ARHGAP39: variants seen among roughly 807,000 people sequenced by gnomAD.
ARHGAP39 encodes Rho GTPase activating protein 39.
In ARHGAP39, 44 loss-of-function variants were observed where a neutral mutation model predicts 106.9. The observed-to-expected ratio is 0.41, with a 90% CI of 0.32 to 0.53. The LOEUF (loss-of-function observed/expected upper bound fraction) is 0.53, where lower values mean the gene tolerates loss of function less well. ARHGAP39 is among the 20% of genes least tolerant of loss of function. The probability of loss-of-function intolerance (pLI) is 0.21; values close to 1 mark genes in which losing one functional copy is unlikely to be tolerated. For missense variants in ARHGAP39, 1,496 were observed against 1,577.3 expected, an observed-to-expected ratio of 0.95 and a Z score of 0.87; for synonymous variants, 768 against 693.2, an observed-to-expected ratio of 1.11 and a Z score of -1.69.
intron 1 of ARHGAP39, among the ~76,000 whole-genome samples, chr8:144,656,572 G>A (rs1479464925): frequency 1.3e-5 from 2 of 152,060 alleles, no homozygotes; most frequent in Non-Finnish European, 2.9e-5. Flanking sequence ...GGAGGCTGTG[G>A]TGGGCGGATC....
chr8:144,604,221 C>T lies in ARHGAP39; in HGVS notation c.80+1314G>A, dbSNP rs949314373. On this transcript the variant is annotated intron_variant, in intron 2 of 11. Coordinates refer to ENST00000377307, the MANE Select transcript of ARHGAP39 (RefSeq NM_025251.3). The surrounding 1 kb of genome is among the most constrained non-coding windows in gnomAD (Gnocchi z 4.1). Reference sequence around the variant, plus strand: ...GGCAGCAGCTGCACCTCGGGGGGTGCGGGCGAGGCCTCTGTCGGGGTCAGA... The same window carrying T: ...GGCAGCAGCTGCACCTCGGGGGGTGTGGGCGAGGCCTCTGTCGGGGTCAGA... Among the ~76,000 whole-genome samples, 15 of 152,150 alleles carry T rather than the reference C, an allele frequency of 9.9e-5. No individual in the cohort carries two copies. Among genetic ancestry groups the T allele is most frequent in the South Asian group, 2.1e-4 (1 of 4,834 alleles).
Position 144,547,460 on chromosome 8 carries a change from C to A in ARHGAP39, c.1626G>T (p.Glu542Asp). Residue 542 changes from glutamate to aspartate, a missense_variant, in exon 5 of 12, where the codon GAG becomes GAT. Transcript: ENST00000377307. This position sits in a 1 kb window ranked among gnomAD's most constrained non-coding sequence, Gnocchi z 5.2. ...SLAPVKRAEGEAEGARGAAEP... is the reference protein window; with the variant it reads ...SLAPVKRAEGDAEGARGAAEP... ...CGGCCGCGCCCCGCGCCCCTTCGGC[C>A]TCACCTTCCGCTCGCTTCACGGGGG... 2 of 1,560,016 alleles carry A rather than the reference C, an allele frequency of 1.3e-6. No homozygotes were observed. Among genetic ancestry groups the A allele is most frequent in the East Asian group, 2.3e-5 (1 of 43,166 alleles).
chr8:144,648,579 G>A (rs929291360), intron 1 of ARHGAP39, among the ~76,000 whole-genome samples: 56 of 152,276 alleles, frequency 3.7e-4, no homozygotes, highest in Admixed American at 2.6e-3. Flanking sequence ...TTTTTATTCC[G>A]AAAGGTAGAG....
chr8:144,688,295 G>A (rs933466869), upstream of ARHGAP39, among the ~76,000 whole-genome samples: 1 of 152,086 alleles, frequency 6.6e-6, no homozygotes, highest in African/African-American at 2.4e-5. Flanking sequence ...AGTAGAAATA[G>A]GGTTTCACCG....
chr8:144,673,398 A>C (rs563169339), intron 1 of ARHGAP39, among the ~76,000 whole-genome samples: 9 of 152,308 alleles, frequency 5.9e-5, no homozygotes, highest in African/African-American at 1.9e-4. Context: ...ATTGAGATAG[A>C]ATTCACATTA....
rs117027245 is a variant in ARHGAP39, at chr8:144,570,235, C to G, written c.512+10611G>C. ...AAATTCTGTCTCAAAAACAAACAAA[C>G]AAAGAAACAAACAAACAAAAGCTTA... is the stretch of plus-strand genomic sequence containing the variant. On this transcript the variant is annotated intron_variant, in intron 3 of 11. Coordinates refer to ENST00000377307, the MANE Select transcript of ARHGAP39 (RefSeq NM_025251.3). Among the ~76,000 whole-genome samples the G allele has an allele frequency of 3.0e-3, 463 of 152,162 alleles. 2 individuals are homozygous for G. The highest frequency in any genetic ancestry group is 5.2e-3 in the African/African-American group (216 of 41,506).
chr8:144,594,301 T>G (rs1312230107), intron 2 of ARHGAP39, among the ~76,000 whole-genome samples: 4 of 152,218 alleles, frequency 2.6e-5, no homozygotes, highest in Non-Finnish European at 2.9e-5. Context: ...TAAGTGTTGC[T>G]AAGGATGTGG....
At chr8:144,607,883 G>A (rs1407753067) in intron 1 of ARHGAP39, among the ~76,000 whole-genome samples, 2 of 152,142 alleles carry the variant, frequency 1.3e-5, no homozygotes, top group Non-Finnish European at 2.9e-5. Flanking sequence ...CAGGCCGGGC[G>A]CGGTGGCTCA....
At chr8:144,589,237 A>G (rs1289378151) in intron 2 of ARHGAP39, among the ~76,000 whole-genome samples, 2 of 152,242 alleles carry the variant, frequency 1.3e-5, no homozygotes, top group East Asian at 1.9e-4. Flanking sequence ...TTTGCTTAAA[A>G]AAAGTAAGTA....
At chr8:144,632,491 T>G (rs1821086609) in intron 1 of ARHGAP39, among the ~76,000 whole-genome samples, 1 of 152,224 alleles carries the variant, frequency 6.6e-6, no homozygotes, top group South Asian at 2.1e-4. Flanking sequence ...AGTGGTGGGC[T>G]TGCCTGGTGG....
At chr8:144,650,273 A>T (rs1821542296) in intron 1 of ARHGAP39, among the ~76,000 whole-genome samples, 1 of 152,126 alleles carries the variant, frequency 6.6e-6, no homozygotes, top group Non-Finnish European at 1.5e-5. Context: ...CTTACCATCC[A>T]AAAAAAGCCT....
intron 1 of ARHGAP39, among the ~76,000 whole-genome samples, chr8:144,657,514 T>C (rs1821726456): frequency 6.6e-6 from 1 of 152,172 alleles, no homozygotes; most frequent in South Asian, 2.1e-4. Flanking sequence ...TATATGCTGA[T>C]CTCAAAACCA....
chr8:144,697,773 T>G, the ARHGAP39 span, among the ~76,000 whole-genome samples: 1 of 152,188 alleles, frequency 6.6e-6, no homozygotes, highest in African/African-American at 2.4e-5. Flanking sequence ...ATTACAGGTG[T>G]GGGCCACTGC....
At chr8:144,576,708 A>C (rs1186128274) in intron 3 of ARHGAP39, among the ~76,000 whole-genome samples, 1 of 152,240 alleles carries the variant, frequency 6.6e-6, no homozygotes, top group Non-Finnish European at 1.5e-5. Flanking sequence ...GAAGCCGTCC[A>C]TTCTGTTCAG....
At chr8:144,553,391 G>A (rs374498761) in intron 4 of ARHGAP39, among the ~76,000 whole-genome samples, 3 of 152,310 alleles carry the variant, frequency 2.0e-5, no homozygotes, top group African/African-American at 7.2e-5. Flanking sequence ...GCGAGCGTGA[G>A]TCCCACCTCC....
rs957542937 is a variant in ARHGAP39, at chr8:144,604,150, G to C, written c.80+1385C>G. On this transcript the variant is annotated intron_variant, in intron 2 of 11. Transcript: ENST00000377307. This position sits in a 1 kb window ranked among gnomAD's most constrained non-coding sequence, Gnocchi z 4.1. Reference sequence around the variant, plus strand: ...GACCAACCACACAGGGAGGCACAAAGCATCAGACACGGAGCCGGGCCCAGA... The same window carrying C: ...GACCAACCACACAGGGAGGCACAAACCATCAGACACGGAGCCGGGCCCAGA... 2.6e-5 allele frequency among the ~76,000 whole-genome samples: 4 copies of C among 152,162 alleles called. No homozygotes were observed. Among genetic ancestry groups the C allele is most frequent in the African/African-American group, 9.7e-5 (4 of 41,404 alleles).
chr8:144,633,194 C>T (rs1437203886), intron 1 of ARHGAP39, among the ~76,000 whole-genome samples: 1 of 151,634 alleles, frequency 6.6e-6, no homozygotes, highest in African/African-American at 2.4e-5. Context: ...CGCAGTGGCT[C>T]ACGCCTATAA....
At chr8:144,563,969 T>C (rs1264319948) in intron 3 of ARHGAP39, among the ~76,000 whole-genome samples, 4 of 152,220 alleles carry the variant, frequency 2.6e-5, no homozygotes, top group African/African-American at 9.6e-5. Context: ...AACTAATGTC[T>C]GAATCATAAG....
intron 3 of ARHGAP39, among the ~76,000 whole-genome samples, chr8:144,555,876 G>C (rs961662492): frequency 6.6e-6 from 1 of 152,204 alleles, no homozygotes; most frequent in Non-Finnish European, 1.5e-5. Flanking sequence ...CTGGATTTCA[G>C]AAGCTTGAAC....
Sources: gnomAD v4.1 joint callset for allele counts (sites outside exome capture counted in the v4.1 genomes callset) on GRCh38, gnomAD v4.1.1 for gene constraint, Gnocchi (gnomAD v3.1) non-coding constraint, MANE v1.5 for transcripts, NCBI Gene and HGNC (gene_info 2026-07-23, HGNC 2026-07-21) for gene names.